RASSF4: variants seen among roughly 807,000 people sequenced by gnomAD.
RASSF4 encodes the protein ras association domain-containing protein 4.
RASSF4 carries 38 observed loss-of-function variants against 41.1 expected under a neutral mutation model. The ratio of observed to expected loss-of-function variants is 0.92; its 90% CI spans 0.71 to 1.21. The LOEUF (loss-of-function observed/expected upper bound fraction) is 1.21. Among genes scored for constraint, RASSF4 ranks in the 50% most tolerant of loss-of-function variants. RASSF4 has a pLI of 0.00. For missense variants in RASSF4, 414 were observed against 419.4 expected, an observed-to-expected ratio of 0.99 and a Z score of 0.11; for synonymous variants, 179 against 163.4, an observed-to-expected ratio of 1.10 and a Z score of -0.73.
At chr10:44,962,562 C>T (rs1840745855) in intron 1 of RASSF4, among the ~76,000 whole-genome samples, 1 of 152,200 alleles carries the variant, frequency 6.6e-6, no homozygotes, top group African/African-American at 2.4e-5. Flanking sequence ...TGAGGGCAGC[C>T]GTAGAGAGCC....
chr10:44,970,790 A>G (rs1841121016), intron 2 of RASSF4: 1 of 154,086 alleles, frequency 6.5e-6, no homozygotes, highest in African/African-American at 2.4e-5. Context: ...AGGAGCCTCC[A>G]GTCATGTTGG....
Position 44,995,361 on chromosome 10 carries a change from G to A in RASSF4, c.*2032G>A, listed in dbSNP as rs1842249215. 1 of 152,308 alleles carries A rather than the reference G, an allele frequency of 6.6e-6. No individual in the cohort carries two copies. The highest frequency in any genetic ancestry group is 2.4e-5 in the African/African-American group (1 of 41,470). The allele number at this position is 152,308 out of a possible 1,614,324, so 9.4% of individuals were successfully genotyped here. On this transcript the variant is annotated 3_prime_UTR_variant, in exon 11 of 11. Transcript: ENST00000340258. ...TGAGGTGGAGGCCAAGGCAGAGTTG[G>A]CTAAGAAGTGCATGTGGCGTCACAG...
intron 1 of RASSF4, among the ~76,000 whole-genome samples, chr10:44,969,381 CGT>C (rs1439365534): frequency 6.6e-6 from 1 of 152,052 alleles, no homozygotes; most frequent in African/African-American, 2.4e-5. Context: ...GTGTGAACCG[CGT>C]GTGTGTGGAT....
chr10:44,964,059 A>C (rs997625151), intron 1 of RASSF4, among the ~76,000 whole-genome samples: 4 of 152,244 alleles, frequency 2.6e-5, no homozygotes, highest in Non-Finnish European at 5.9e-5. Flanking sequence ...TTCTTCTGTA[A>C]TAACTTTCCC....
chr10:44,980,213 C>G (rs1841645791), intron 3 of RASSF4, among the ~76,000 whole-genome samples: 1 of 152,210 alleles, frequency 6.6e-6, no homozygotes, highest in Non-Finnish European at 1.5e-5. Flanking sequence ...TGCACAAAGG[C>G]ATCGGGGCAG....
At chr10:44,982,058 G>A in intron 3 of RASSF4, 2 of 213,344 alleles carry the variant, frequency 9.4e-6, no homozygotes, top group Non-Finnish European at 9.5e-6. Context: ...ACACAGCTAG[G>A]ACAGAGAGTG....
intron 3 of RASSF4, chr10:44,976,434 C>T (rs1841429733): frequency 6.6e-6 from 1 of 152,346 alleles, no homozygotes; most frequent in South Asian, 2.1e-4. Context: ...CAGAGACCTG[C>T]CCAGGTGAGC....
chr10:44,972,431 G>A (rs1564454988), intron 3 of RASSF4, among the ~76,000 whole-genome samples: 1 of 152,248 alleles, frequency 6.6e-6, no homozygotes. Context: ...GCAGGACCGT[G>A]GGCCTGGTGC....
intron 6 of RASSF4, among the ~76,000 whole-genome samples, chr10:44,987,245 C>T (rs1010080154): frequency 3.9e-5 from 6 of 152,110 alleles, no homozygotes; most frequent in South Asian, 2.1e-4. Flanking sequence ...ACTACAGGTG[C>T]GCACCACGAT....
chr10:44,968,363 A>T (rs1255655385), intron 1 of RASSF4, among the ~76,000 whole-genome samples: 1 of 152,174 alleles, frequency 6.6e-6, no homozygotes, highest in African/African-American at 2.4e-5. Flanking sequence ...CCTGGCCAAG[A>T]AAAATGCAGC....
At chr10:44,992,949 T>C (rs190695927) in intron 10 of RASSF4, among the ~76,000 whole-genome samples, 17 of 152,238 alleles carry the variant, frequency 1.1e-4, no homozygotes, top group South Asian at 4.1e-4. Flanking sequence ...GGTTGCCGCA[T>C]AGGTTATGGC....
chr10:44,978,198 C>A (rs11818623), intron 3 of RASSF4: 390,056 of 651,350 alleles, frequency 0.6, 119,536 homozygotes, highest in Non-Finnish European at 0.64. Context: ...ACCAGAGCTC[C>A]GACTGCTGGG....
intron 4 of RASSF4, chr10:44,982,947 G>A (rs1841778075): frequency 3.0e-6 from 2 of 668,334 alleles, no homozygotes; most frequent in Non-Finnish European, 5.6e-6. Flanking sequence ...ACAGCCAGGG[G>A]GGCTCCCAAC....
chr10:44,989,316 A>C lies in RASSF4; in HGVS notation c.574A>C (p.Arg192=), dbSNP rs764221827. ...AGCCTATGGATCCGTGACCAATGTGAGGGTCAACAGCACCATGACAACCCT... is the reference window on the plus strand; with the variant it reads ...AGCCTATGGATCCGTGACCAATGTGCGGGTCAACAGCACCATGACAACCCT... The part of the protein sequence containing the change: ...TPAYGSVTNV[R]VNSTMTTLQV... Residue 192 remains arginine, a synonymous_variant, in exon 7 of 11, where the codon AGG becomes CGG. Transcript: ENST00000340258. 3.1e-6 allele frequency: 5 copies of C among 1,613,926 alleles called. No individual in the cohort carries two copies. Among genetic ancestry groups the C allele is most frequent in the Non-Finnish European group, 3.4e-6 (4 of 1,179,864 alleles).
intron 3 of RASSF4, among the ~76,000 whole-genome samples, chr10:44,972,121 TC>T (rs1331777577): frequency 5.3e-5 from 8 of 152,018 alleles, no homozygotes; most frequent in Non-Finnish European, 1.2e-4. Context: ...CTTCCCCCTT[TC>T]CCCTTCCCCC....
intron 3 of RASSF4, chr10:44,977,256 G>T: frequency 8.4e-7 from 1 of 1,185,202 alleles, no homozygotes; most frequent in Non-Finnish European, 1.2e-6. Flanking sequence ...GTCTCACTGT[G>T]AACTGCCCAA....
At chr10:44,975,515 C>T (rs1322256135) in intron 3 of RASSF4, among the ~76,000 whole-genome samples, 1 of 115,730 alleles carries the variant, frequency 8.6e-6, no homozygotes, top group Non-Finnish European at 1.9e-5. Flanking sequence ...GTCCCCTCTC[C>T]ACCCCCAGCC....
intron 1 of RASSF4, among the ~76,000 whole-genome samples, chr10:44,969,224 C>T (rs1336282848): frequency 6.6e-6 from 1 of 151,924 alleles, no homozygotes; most frequent in African/African-American, 2.4e-5. Context: ...GAGAGAGGAA[C>T]AGGAAGCTGT....
chr10:44,966,948 AG>A (rs1303693248), intron 1 of RASSF4, among the ~76,000 whole-genome samples: 1 of 152,190 alleles, frequency 6.6e-6, no homozygotes, highest in African/African-American at 2.4e-5. Flanking sequence ...TCTCACCACT[AG>A]GTGTATCTGT....
Sources: gnomAD v4.1 joint callset for allele counts (sites outside exome capture counted in the v4.1 genomes callset) on GRCh38, gnomAD v4.1.1 for gene constraint, MANE v1.5 for transcripts, NCBI Gene and HGNC (gene_info 2026-07-23, HGNC 2026-07-21) for gene names.